The following APOBEC3G variants were observed in gnomAD, a reference collection of about 807,000 sequenced individuals.
APOBEC3G encodes the protein apolipoprotein B mRNA editing enzyme catalytic subunit 3G, also known as DNA dC->dU-editing enzyme APOBEC-3G.
Under a neutral mutation model 50.0 loss-of-function variants are expected in APOBEC3G, and 44 were observed. That is an observed-to-expected ratio of 0.88 (90% CI 0.69 to 1.13). The LOEUF (loss-of-function observed/expected upper bound fraction) is 1.13. Ranked by LOEUF, APOBEC3G falls within the 50% of genes most tolerant of loss-of-function variation. The pLI is 0.00. For missense variants in APOBEC3G, 469 were observed against 492.0 expected, an observed-to-expected ratio of 0.95 and a Z score of 0.44; for synonymous variants, 156 against 175.3, an observed-to-expected ratio of 0.89 and a Z score of 0.87.
At chr22:39,078,691 G>T (rs886296846) in intron 1 of APOBEC3G, 3 of 505,534 alleles carry the variant, frequency 5.9e-6, no homozygotes, top group Non-Finnish European at 6.9e-6. Flanking sequence ...TTATTTTGGG[G>T]TGAAGAGTTT....
At chr22:39,081,959 A>G (rs536498856) in intron 4 of APOBEC3G, 11 of 192,540 alleles carry the variant, frequency 5.7e-5, no homozygotes, top group African/African-American at 2.6e-4. Flanking sequence ...GGCAGTCAGA[A>G]GCTTTGAGCA....
intron 3 of APOBEC3G, 59 bp from the exon 4 acceptor site, chr22:39,081,412 C>T: frequency 2.5e-6 from 4 of 1,570,154 alleles, no homozygotes; most frequent in Non-Finnish European, 3.5e-6. Context: ...GGGGAGGGTC[C>T]CGAGGTCACA....
chr22:39,086,647 G>A, intron 6 of APOBEC3G, 80 bp downstream of exon 6: 1 of 1,508,422 alleles, frequency 6.6e-7, no homozygotes, highest in East Asian at 2.3e-5. Flanking sequence ...AGTGGGGAGG[G>A]TCGGCATCCC....
intron 5 of APOBEC3G, among the ~76,000 whole-genome samples, chr22:39,085,195 C>A (rs1267730709): frequency 2.0e-5 from 3 of 152,230 alleles, no homozygotes; most frequent in Non-Finnish European, 2.9e-5. Flanking sequence ...GGACAATCAC[C>A]CCATGACTGG....
rs199744611 is a variant in APOBEC3G at position 39,078,988 on chromosome 22, C to T, written c.74C>T (p.Pro25Leu). The change falls in exon 2 of 8, where the codon CCC becomes CTC. Residue 25 changes from proline to leucine, a missense_variant. By Grantham distance (98) the Pro-to-Leu change is moderately conservative. Coordinates refer to ENST00000407997, the MANE Select transcript of APOBEC3G (RefSeq NM_021822.4). ...TTCTCCTACAACTTTTATAATAGAC[C>T]CATCCTTTCTCGTCGGAATACCGTC... ...DTFSYNFYNR[P>L]ILSRRNTVWL... The T allele has an allele frequency of 4.5e-5, 72 of 1,614,148 alleles. 1 individual carries two copies. In the East Asian group the frequency reaches 7.8e-4, roughly 17 times the overall value.
chr22:39,081,664 GA>G, intron 4 of APOBEC3G, 79 bp downstream of exon 4: 1 of 1,205,848 alleles, frequency 8.3e-7, no homozygotes, highest in Admixed American at 1.8e-5. Context: ...CTCTGTTCCA[GA>G]CCAGGTCCTC....
At position 39,087,372 on chromosome 22, in the gene APOBEC3G, AC is replaced by A. The variant is rs1189740520; in HGVS notation, c.1141-32del. 7 of 1,613,824 alleles carry A rather than the reference AC, an allele frequency of 4.3e-6. No homozygotes were observed. The Admixed American group carries it at 1.2e-4, about 27-fold the overall frequency. On this transcript the variant is annotated intron_variant, in intron 7 of 7. Transcript: ENST00000407997. Reference sequence around the variant, plus strand: ...CCATATGCCTACTTTCCACTCGCTCACCCTTTGCTCCATTCAACCTCCCTGC... The same window carrying A: ...CCATATGCCTACTTTCCACTCGCTCACCTTTGCTCCATTCAACCTCCCTGC...
At position 39,087,169 on chromosome 22, in the gene APOBEC3G, C is replaced by T. The variant is rs779838723; in HGVS notation, c.1140+43C>T. The T allele has an allele frequency of 5.6e-5, 91 of 1,612,876 alleles. No homozygotes were observed. The Middle Eastern group carries it at 2.6e-3, about 47-fold the overall frequency. On this transcript the variant is annotated intron_variant, in intron 7 of 7. Transcript: ENST00000407997. ...CTGCCCAGTGCCCCATCGGCCTCCC[C>T]CTCCTCCCCTCTCCCCTGCGCCGTG... is the stretch of plus-strand genomic sequence containing the variant.
chr22:39,079,280 C>T (rs953223922), intron 2 of APOBEC3G, 195 bp downstream of exon 2: 13 of 707,638 alleles, frequency 1.8e-5, no homozygotes, highest in Non-Finnish European at 2.7e-5. Context: ...TGCCTCTGCA[C>T]AAAAGGCCTT....
At chr22:39,081,957 G>C (rs915623634) in intron 4 of APOBEC3G, 5 of 194,432 alleles carry the variant, frequency 2.6e-5, no homozygotes, top group Non-Finnish European at 5.4e-5. Flanking sequence ...CCGGCAGTCA[G>C]AAGCTTTGAG....
intron 2 of APOBEC3G, 167 bp from the exon 3 acceptor site, chr22:39,080,766 G>C (rs1181819467): frequency 4.6e-6 from 3 of 656,734 alleles, no homozygotes; most frequent in Non-Finnish European, 7.8e-6. Flanking sequence ...TACTGAACAT[G>C]AGCTTTGGAG....
At chr22:39,081,973 T>G in intron 4 of APOBEC3G, 1 of 183,128 alleles carries the variant, frequency 5.5e-6, no homozygotes, top group South Asian at 1.1e-4. Context: ...TTGAGCAACA[T>G]CCTTAAAGGC....
intron 5 of APOBEC3G, 138 bp from the exon 6 acceptor site, chr22:39,086,141 C>T: frequency 1.0e-6 from 1 of 1,002,420 alleles, no homozygotes; most frequent in Non-Finnish European, 1.4e-6. Context: ...CCCTTTTCTA[C>T]TAGAAATACA....
chr22:39,087,460 G>A lies in APOBEC3G; in HGVS notation c.*39G>A, dbSNP rs1928748769. ...GTCTCTAAGGAAGGCAGAGACCTGG[G>A]TTGAGCCTCAGAATAAAAGATCTTC... On this transcript the variant is annotated 3_prime_UTR_variant, in exon 8 of 8. Transcript: ENST00000407997. 1 of 1,613,800 alleles carries A rather than the reference G, an allele frequency of 6.2e-7. No homozygotes were observed. The highest frequency in any genetic ancestry group is 1.7e-5 in the Admixed American group (1 of 59,982).
intron 3 of APOBEC3G, 103 bp downstream of exon 3, chr22:39,081,330 C>G: frequency 6.5e-7 from 1 of 1,544,258 alleles, no homozygotes; most frequent in South Asian, 1.2e-5. Context: ...CTGCAAAGGC[C>G]AAGTGTCCCA....
intron 1 of APOBEC3G, 55 bp downstream of exon 1, chr22:39,077,433 G>T: frequency 6.4e-7 from 1 of 1,561,768 alleles, no homozygotes; most frequent in Non-Finnish European, 8.7e-7. Flanking sequence ...CTTGCCTGGT[G>T]GCTCTGCTGG....
chr22:39,078,854 C>T (rs113120878), intron 1 of APOBEC3G, 78 bp from the exon 2 acceptor site: 1 of 1,576,152 alleles, frequency 6.3e-7, no homozygotes, highest in South Asian at 1.2e-5. Flanking sequence ...GTCCAGGGGG[C>T]TGTGTTTAGT....
intron 4 of APOBEC3G, chr22:39,083,075 A>G (rs1465249073): frequency 6.6e-6 from 1 of 152,172 alleles, no homozygotes; most frequent in Admixed American, 6.6e-5. Context: ...AGTCCTATCA[A>G]AGGTGGCATC....
At chr22:39,078,853 G>T in intron 1 of APOBEC3G, 79 bp from the exon 2 acceptor site, 2 of 1,575,592 alleles carry the variant, frequency 1.3e-6, no homozygotes, top group Non-Finnish European at 1.7e-6. Flanking sequence ...CGTCCAGGGG[G>T]CTGTGTTTAG....
Sources: gnomAD v4.1 joint callset for allele counts (sites outside exome capture counted in the v4.1 genomes callset) on GRCh38, gnomAD v4.1.1 for gene constraint, MANE v1.5 for transcripts, NCBI Gene and HGNC (gene_info 2026-07-23, HGNC 2026-07-21) for gene names.